The following ZNF385D variants were observed in gnomAD, a reference collection of about 807,000 sequenced individuals.
ZNF385D encodes the protein zinc finger protein 659.
Under a neutral mutation model 35.8 loss-of-function variants are expected in ZNF385D, and 15 were observed. That is an observed-to-expected ratio of 0.42 (90% CI 0.28 to 0.64). The LOEUF (loss-of-function observed/expected upper bound fraction) is 0.64, where lower values mean the gene tolerates loss of function less well. ZNF385D is among the 30% of genes least tolerant of loss of function. The pLI is 0.23. For synonymous variants in ZNF385D, 212 were observed against 186.8 expected (o/e 1.13, Z -1.10); for missense variants, 474 against 494.6 (o/e 0.96, Z 0.39).
chr3:21,950,336 G>A (rs1168530531), intron 3 of ZNF385D, among the ~76,000 whole-genome samples: 1 of 151,652 alleles, frequency 6.6e-6, no homozygotes, highest in Non-Finnish European at 1.5e-5. Flanking sequence ...CATGTTTGTT[G>A]GTCACATAAA....
intron 1 of ZNF385D, among the ~76,000 whole-genome samples, chr3:21,712,254 A>G (rs942938832): frequency 6.6e-6 from 1 of 152,106 alleles, no homozygotes; most frequent in Admixed American, 6.5e-5. Flanking sequence ...TCCATTGTAC[A>G]CGTCTACTTC....
chr3:21,613,844 C>A (rs1356468766), intron 2 of ZNF385D, among the ~76,000 whole-genome samples: 1 of 152,112 alleles, frequency 6.6e-6, no homozygotes, highest in Non-Finnish European at 1.5e-5. Context: ...CAATCACTGC[C>A]ACATATTATA....
At chr3:22,362,084 C>A (rs1696435764) in intron 2 of ZNF385D, among the ~76,000 whole-genome samples, 1 of 151,094 alleles carries the variant, frequency 6.6e-6, no homozygotes, top group Non-Finnish European at 1.5e-5. Context: ...TTTTTCAAAT[C>A]CTTTATGCCT....
At chr3:22,203,817 A>C (rs150541864) in intron 2 of ZNF385D, among the ~76,000 whole-genome samples, 1 of 152,178 alleles carries the variant, frequency 6.6e-6, no homozygotes, top group Non-Finnish European at 1.5e-5. Flanking sequence ...GCTCAGTCGC[A>C]GTAGAATAGA....
At chr3:22,171,648 G>A (rs1169702406) in intron 2 of ZNF385D, among the ~76,000 whole-genome samples, 7 of 151,976 alleles carry the variant, frequency 4.6e-5, no homozygotes, top group South Asian at 2.1e-4. Flanking sequence ...AGGCCGAGGC[G>A]GGTGGATCAC....
At chr3:21,429,855 T>C (rs1347754219) in intron 5 of ZNF385D, among the ~76,000 whole-genome samples, 1 of 152,126 alleles carries the variant, frequency 6.6e-6, no homozygotes, top group African/African-American at 2.4e-5. Context: ...TATTGACAAG[T>C]TCAATGATTC....
chr3:22,323,412 A>T (rs1694536927), intron 2 of ZNF385D, among the ~76,000 whole-genome samples: 1 of 152,184 alleles, frequency 6.6e-6, no homozygotes, highest in South Asian at 2.1e-4. Flanking sequence ...AGAAAGGGGG[A>T]AAGAAGGAAG....
intron 2 of ZNF385D, among the ~76,000 whole-genome samples, chr3:21,625,904 A>G (rs2065122907): frequency 6.6e-6 from 1 of 152,050 alleles, no homozygotes; most frequent in Non-Finnish European, 1.5e-5. Context: ...TTATCATTCA[A>G]ATTACCCCTC....
intron 3 of ZNF385D, among the ~76,000 whole-genome samples, chr3:21,945,481 A>G (rs1011609425): frequency 1.3e-5 from 2 of 152,174 alleles, no homozygotes; most frequent in Non-Finnish European, 2.9e-5. Context: ...TCACTGAAAA[A>G]CTTAATTTCA....
intron 2 of ZNF385D, among the ~76,000 whole-genome samples, chr3:21,660,529 G>A (rs1297684513): frequency 6.6e-6 from 1 of 152,130 alleles, no homozygotes; most frequent in Non-Finnish European, 1.5e-5. Context: ...TACTTTTTCA[G>A]TGACATTCTA....
At chr3:21,746,863 A>G (rs2069795290) in intron 1 of ZNF385D, among the ~76,000 whole-genome samples, 1 of 152,124 alleles carries the variant, frequency 6.6e-6, no homozygotes, top group Non-Finnish European at 1.5e-5. Context: ...ATATTTTTCT[A>G]ACACACTAGT....
intron 2 of ZNF385D, among the ~76,000 whole-genome samples, chr3:21,565,800 TAA>T (rs1179226500): frequency 1.2e-4 from 18 of 151,822 alleles, no homozygotes; most frequent in African/African-American, 4.3e-4. Flanking sequence ...GACTTATAAG[TAA>T]GTCTTCATAA....
intron 4 of ZNF385D, among the ~76,000 whole-genome samples, chr3:21,499,652 AAAAAACC>A (rs1559350951): frequency 6.6e-6 from 1 of 151,960 alleles, no homozygotes; most frequent in Non-Finnish European, 1.5e-5. Context: ...ATTTGAAAAA[AAAAAACC>A]AAAAAACGAA....
chr3:22,080,837 T>C (rs955384933), intron 3 of ZNF385D, among the ~76,000 whole-genome samples: 3 of 152,026 alleles, frequency 2.0e-5, no homozygotes, highest in Admixed American at 6.6e-5. Flanking sequence ...AGCTAGGCCC[T>C]TGCTCCACGT....
At chr3:22,128,094 T>G (rs149879793) in intron 3 of ZNF385D, among the ~76,000 whole-genome samples, 1 of 152,212 alleles carries the variant, frequency 6.6e-6, no homozygotes, top group Non-Finnish European at 1.5e-5. Flanking sequence ...TCTCAGCTTT[T>G]GTTTGTCTGG....
intron 1 of ZNF385D, among the ~76,000 whole-genome samples, chr3:21,724,383 A>G (rs944786350): frequency 1.3e-5 from 2 of 150,644 alleles, no homozygotes; most frequent in African/African-American, 4.9e-5. Context: ...AGACCCATCA[A>G]TGTGCTGTAT....
intron 2 of ZNF385D, among the ~76,000 whole-genome samples, chr3:22,214,993 T>C (rs1697773050): frequency 6.6e-6 from 1 of 152,036 alleles, no homozygotes; most frequent in Non-Finnish European, 1.5e-5. Context: ...TCACGGAACC[T>C]GCCGACATGT....
At chr3:22,318,501 G>A (rs900143839) in intron 2 of ZNF385D, among the ~76,000 whole-genome samples, 8 of 152,136 alleles carry the variant, frequency 5.3e-5, no homozygotes, top group African/African-American at 1.7e-4. Context: ...TAAACTAGGA[G>A]ATAAATTAAA....
chr3:21,925,304 G>C (rs939761359), intron 3 of ZNF385D, among the ~76,000 whole-genome samples: 7 of 152,118 alleles, frequency 4.6e-5, no homozygotes, highest in African/African-American at 1.7e-4. Context: ...TGGCCACACA[G>C]ATCAATGAAG....
Sources: gnomAD v4.1 joint callset for allele counts (sites outside exome capture counted in the v4.1 genomes callset) on GRCh38, gnomAD v4.1.1 for gene constraint, MANE v1.5 for transcripts, NCBI Gene and HGNC (gene_info 2026-07-23, HGNC 2026-07-21) for gene names.